The following LARP6 variants were observed in gnomAD, a reference collection of about 807,000 sequenced individuals.
The protein encoded by LARP6 is la-related protein 6.
A neutral mutation model predicts 32.8 loss-of-function variants in LARP6; 18 were observed. That is an observed-to-expected ratio of 0.55 (90% CI 0.38 to 0.81). The LOEUF (loss-of-function observed/expected upper bound fraction) is 0.81, where lower values mean the gene tolerates loss of function less well. Ranked by LOEUF, LARP6 falls within the 40% of genes least tolerant of loss-of-function variation. The pLI, the probability that LARP6 is intolerant of heterozygous loss-of-function variation, is 0.00. For missense variants in LARP6, 598 were observed against 663.1 expected (o/e 0.90, Z 1.08); for synonymous variants, 289 against 267.2 (o/e 1.08, Z -0.80).
chr15:70,851,586 C>T, intron 1 of LARP6: 3 of 1,588,316 alleles, frequency 1.9e-6, no homozygotes, highest in Non-Finnish European at 2.6e-6. Context: ...AATATCTCAA[C>T]ACCATTGAGT....
chr15:70,851,708 C>T (rs774174715), intron 1 of LARP6: 17 of 1,613,962 alleles, frequency 1.1e-5, no homozygotes, highest in Admixed American at 3.3e-5. Context: ...TTGAATTCAC[C>T]GAGCTCCTAT....
chr15:70,850,591 C>T (rs1165371811), intron 1 of LARP6, among the ~76,000 whole-genome samples: 1 of 152,138 alleles, frequency 6.6e-6, no homozygotes, highest in African/African-American at 2.4e-5. Flanking sequence ...ATGAGAAGCC[C>T]ACAAATAACT....
chr15:70,836,526 C>A, intron 1 of LARP6, 21 bp from the exon 2 acceptor site: 1 of 1,605,434 alleles, frequency 6.2e-7, no homozygotes, highest in South Asian at 1.1e-5. Flanking sequence ...AAGGAGACAC[C>A]GGGTGTTAGG....
intron 1 of LARP6, among the ~76,000 whole-genome samples, chr15:70,839,837 C>T (rs1173549007): frequency 6.6e-6 from 1 of 152,160 alleles, no homozygotes; most frequent in Admixed American, 6.5e-5. Flanking sequence ...TGTCCCTTCC[C>T]CTTTTGTCTG....
At chr15:70,843,963 CTTTTTTTTTT>C (rs1215191701) in intron 1 of LARP6, among the ~76,000 whole-genome samples, 1 of 107,164 alleles carries the variant, frequency 9.3e-6, no homozygotes, top group South Asian at 3.1e-4. Context: ...ACCTTTTTTT[CTTTTTTTTTT>C]TTTAAGACAG....
chr15:70,848,847 A>C (rs910463495), intron 1 of LARP6: 36 of 152,320 alleles, frequency 2.4e-4, no homozygotes, highest in African/African-American at 8.7e-4. Flanking sequence ...TGTGTTGTTA[A>C]ATTAAAAGCA....
At position 70,853,979 on chromosome 15, in the gene LARP6, CCCT is replaced by C. The variant is rs1409105049; in HGVS notation, c.107_109del (p.Glu36del). 3.4e-6 allele frequency: 5 copies of C among 1,462,668 alleles called. No individual in the cohort carries two copies. Among genetic ancestry groups the C allele is most frequent in the South Asian group, 1.3e-5 (1 of 75,520 alleles). 90.6% of individuals were successfully genotyped at this position (1,462,668 alleles called of 1,614,324 possible). Reference sequence around the variant, plus strand: ...GTCCCCGGCGCCCCGAGTCTCCGCCCCCTCCTCCTCGTCCTCCAACTCGTCCAC... The same window carrying C: ...GTCCCCGGCGCCCCGAGTCTCCGCCCCCTCCTCGTCCTCCAACTCGTCCAC... On this transcript the variant is annotated inframe_deletion, in exon 1 of 3. Coordinates refer to ENST00000299213, the MANE Select transcript of LARP6 (RefSeq NM_018357.4).
At chr15:70,838,764 T>C (rs1163339271) in intron 1 of LARP6, among the ~76,000 whole-genome samples, 1 of 151,882 alleles carries the variant, frequency 6.6e-6, no homozygotes, top group Non-Finnish European at 1.5e-5. Context: ...TAGCAGAAAG[T>C]TGCAGGTAGG....
rs752712965 is a variant in LARP6, at chr15:70,836,285, C to T, written c.411+10G>A. 6.2e-7 allele frequency: 1 copy of T among 1,612,550 alleles called. No homozygotes were observed. Among genetic ancestry groups the T allele is most frequent in the South Asian group, 1.1e-5 (1 of 91,030 alleles). Reference sequence around the variant, plus strand: ...AATCCTTGAAGCAGCTTCTGAGAACCAAGCCTCACCTTTTTGAAGGATGTG... The same window carrying T: ...AATCCTTGAAGCAGCTTCTGAGAACTAAGCCTCACCTTTTTGAAGGATGTG... On this transcript the variant is annotated intron_variant, in intron 2 of 2. Coordinates refer to ENST00000299213, the MANE Select transcript of LARP6 (RefSeq NM_018357.4).
chr15:70,846,482 A>T, intron 1 of LARP6, among the ~76,000 whole-genome samples: 1 of 151,912 alleles, frequency 6.6e-6, no homozygotes, highest in Non-Finnish European at 1.5e-5. Context: ...GGCCGTGCAC[A>T]CCTGTAGTCT....
At chr15:70,836,221 A>T in intron 2 of LARP6, 74 bp downstream of exon 2, 1 of 1,206,956 alleles carries the variant, frequency 8.3e-7, no homozygotes, top group Non-Finnish European at 1.2e-6. Context: ...CAAGGGAGTT[A>T]AAAAAAATGT....
At chr15:70,836,898 G>A (rs546005558) in intron 1 of LARP6, among the ~76,000 whole-genome samples, 12 of 152,188 alleles carry the variant, frequency 7.9e-5, no homozygotes, top group South Asian at 2.1e-4. Context: ...CCTTGATTTC[G>A]GGCTTCAGGC....
chr15:70,831,929 G>C lies in LARP6; in HGVS notation c.*123C>G, dbSNP rs2032047211. 1 of 667,270 alleles carries C rather than the reference G, an allele frequency of 1.5e-6. No homozygotes were observed. Among genetic ancestry groups the C allele is most frequent in the Non-Finnish European group, 2.5e-6 (1 of 397,388 alleles). 41.3% of individuals were successfully genotyped at this position (667,270 alleles called of 1,614,324 possible). A position where few individuals can be genotyped will look rare whatever the true frequency, so the allele number is the denominator to read the frequency against. On this transcript the variant is annotated 3_prime_UTR_variant, in exon 3 of 3. Transcript: ENST00000299213. The stretch of plus-strand genomic sequence containing the variant: ...TATATTACAGATAGATAAATTAAGA[G>C]GTCTACATGAATAAAAAATCTCTCA...
intron 1 of LARP6, among the ~76,000 whole-genome samples, chr15:70,840,082 A>G (rs1595952426): frequency 6.6e-6 from 1 of 152,236 alleles, no homozygotes; most frequent in African/African-American, 2.4e-5. Context: ...ACAGCCAAAT[A>G]CAATAGTAAC....
At chr15:70,844,012 A>G (rs1348068770) in intron 1 of LARP6, among the ~76,000 whole-genome samples, 1 of 150,346 alleles carries the variant, frequency 6.7e-6, no homozygotes. Context: ...GCTGGAGTGC[A>G]GTGGTGCGAT....
intron 2 of LARP6, 127 bp downstream of exon 2, chr15:70,836,168 T>C: frequency 1.4e-6 from 1 of 730,116 alleles, no homozygotes; most frequent in Non-Finnish European, 2.3e-6. Context: ...TTTCTCTTTT[T>C]CAGGCACAGA....
chr15:70,847,072 T>C (rs925646632), intron 1 of LARP6, among the ~76,000 whole-genome samples: 1 of 152,206 alleles, frequency 6.6e-6, no homozygotes, highest in Non-Finnish European at 1.5e-5. Context: ...GAGCCTTGCA[T>C]GTAATGGGAA....
intron 1 of LARP6, among the ~76,000 whole-genome samples, chr15:70,846,652 A>ACATAC (rs1555423153): frequency 6.6e-6 from 1 of 150,602 alleles, no homozygotes; most frequent in African/African-American, 2.4e-5. Context: ...ATACATACAT[A>ACATAC]ATAAAAAAAA....
chr15:70,834,882 T>C (rs1028308763), intron 2 of LARP6, among the ~76,000 whole-genome samples: 5 of 152,244 alleles, frequency 3.3e-5, no homozygotes, highest in African/African-American at 4.8e-5. Flanking sequence ...TAATAGGAAA[T>C]CCTTCAGAAT....
Sources: gnomAD v4.1 joint callset for allele counts (sites outside exome capture counted in the v4.1 genomes callset) on GRCh38, gnomAD v4.1.1 for gene constraint, MANE v1.5 for transcripts, NCBI Gene and HGNC (gene_info 2026-07-23, HGNC 2026-07-21) for gene names.